The following SLC38A12 variants were observed in gnomAD, a reference collection of about 807,000 sequenced individuals.
SLC38A12 encodes the protein putative sodium-coupled neutral amino acid transporter 12.
the SLC38A12 span, among the ~76,000 whole-genome samples, chr17:74,783,244 C>T: frequency 6.6e-6 from 1 of 152,254 alleles, no homozygotes; most frequent in African/African-American, 2.4e-5. Flanking sequence ...TTCCCATCTC[C>T]AGCCTGTGTG....
the SLC38A12 span, chr17:74,777,430 A>G: frequency 6.2e-7 from 1 of 1,612,242 alleles, no homozygotes; most frequent in Non-Finnish European, 8.5e-7. Flanking sequence ...GCTTCTAGAA[A>G]AGCACATTGC....
chr17:74,785,552 C>G, the SLC38A12 span: 21 of 1,614,096 alleles, frequency 1.3e-5, no homozygotes, highest in Admixed American at 3.3e-4. Context: ...GCATTCGCCA[C>G]TGCCGGGTGG....
chr17:74,828,551 A>T, the SLC38A12 span, among the ~76,000 whole-genome samples: 3 of 152,052 alleles, frequency 2.0e-5, no homozygotes, highest in Non-Finnish European at 4.4e-5. Flanking sequence ...ACCGTTGGGC[A>T]GGGCCCTCTA....
At chr17:74,780,737 A>T in the SLC38A12 span, among the ~76,000 whole-genome samples, 1 of 152,214 alleles carries the variant, frequency 6.6e-6, no homozygotes, top group Non-Finnish European at 1.5e-5. Context: ...GAGAAGGCAG[A>T]GAAGTCCTAC....
chr17:74,797,442 C>G, the SLC38A12 span, among the ~76,000 whole-genome samples: 1 of 152,228 alleles, frequency 6.6e-6, no homozygotes, highest in Non-Finnish European at 1.5e-5. Context: ...GAGACCCTGG[C>G]TGCCCACGAG....
At chr17:74,837,260 C>G in the SLC38A12 span, 4 of 985,658 alleles carry the variant, frequency 4.1e-6, no homozygotes, top group Non-Finnish European at 4.8e-6. Context: ...GCCTGGCTGG[C>G]CCCATGACAA....
At chr17:74,805,722 T>C in the SLC38A12 span, among the ~76,000 whole-genome samples, 2 of 152,218 alleles carry the variant, frequency 1.3e-5, no homozygotes, top group Non-Finnish European at 2.9e-5. This position sits in a 1 kb window ranked among gnomAD's most constrained non-coding sequence, Gnocchi z 5.0. Flanking sequence ...ACCCGTGTTC[T>C]GGGCACCTGA....
the SLC38A12 span, chr17:74,788,907 GT>G: frequency 1.9e-6 from 3 of 1,586,752 alleles, no homozygotes; most frequent in Non-Finnish European, 1.7e-6. Context: ...CCATGCCTCT[GT>G]TCCGTCAGGT....
chr17:74,780,751 A>G, the SLC38A12 span, among the ~76,000 whole-genome samples: 1 of 152,116 alleles, frequency 6.6e-6, no homozygotes, highest in East Asian at 1.9e-4. Flanking sequence ...GTCCTACGTT[A>G]CCCTGCAGGA....
At chr17:74,797,507 G>C in the SLC38A12 span, among the ~76,000 whole-genome samples, 1 of 152,186 alleles carries the variant, frequency 6.6e-6, no homozygotes, top group Admixed American at 6.5e-5. Flanking sequence ...CCAGTCCCCT[G>C]CTGGGGGCTT....
the SLC38A12 span, among the ~76,000 whole-genome samples, chr17:74,784,291 G>T: frequency 6.6e-6 from 1 of 152,190 alleles, no homozygotes; most frequent in Non-Finnish European, 1.5e-5. Flanking sequence ...AGGAAGACCA[G>T]TTAGGAGTCT....
the SLC38A12 span, among the ~76,000 whole-genome samples, chr17:74,824,458 C>T: frequency 4.6e-5 from 7 of 152,228 alleles, no homozygotes; most frequent in Admixed American, 1.3e-4. Context: ...GCCCCTGCCC[C>T]GCCGCAGGGA....
the SLC38A12 span, among the ~76,000 whole-genome samples, chr17:74,803,341 C>T: frequency 6.6e-6 from 1 of 152,078 alleles, no homozygotes; most frequent in African/African-American, 2.4e-5. Flanking sequence ...CATAGGCAGC[C>T]CACCTGAAAG....
the SLC38A12 span, among the ~76,000 whole-genome samples, chr17:74,822,252 C>T: frequency 6.6e-6 from 1 of 152,320 alleles, no homozygotes; most frequent in Non-Finnish European, 1.5e-5. Flanking sequence ...GGGGACAGCC[C>T]GGGCCCCTTG....
chr17:74,781,794 C>T, the SLC38A12 span, among the ~76,000 whole-genome samples: 4 of 152,336 alleles, frequency 2.6e-5, no homozygotes, highest in African/African-American at 9.6e-5. Context: ...AAACATCCAA[C>T]CCCCTGTGCC....
At chr17:74,797,044 G>C in the SLC38A12 span, among the ~76,000 whole-genome samples, 1 of 152,342 alleles carries the variant, frequency 6.6e-6, no homozygotes, top group South Asian at 2.1e-4. Flanking sequence ...AGCAGCCACA[G>C]CAGAGCCAGT....
the SLC38A12 span, among the ~76,000 whole-genome samples, chr17:74,828,343 A>G: frequency 6.6e-6 from 1 of 152,180 alleles, no homozygotes; most frequent in East Asian, 1.9e-4. Flanking sequence ...CCATGCCTGG[A>G]GGAAGACCCT....
chr17:74,811,732 A>G, the SLC38A12 span, among the ~76,000 whole-genome samples: 1 of 151,556 alleles, frequency 6.6e-6, no homozygotes, highest in Non-Finnish European at 1.5e-5. Context: ...AAAAGAAAAA[A>G]GAAAAGAATA....
At chr17:74,811,875 A>T in the SLC38A12 span, among the ~76,000 whole-genome samples, 585 of 151,978 alleles carry the variant, frequency 3.8e-3, 4 homozygotes, top group African/African-American at 0.011. Context: ...TCTGCAAAAA[A>T]AATAATAATA....
Sources: gnomAD v4.1 joint callset for allele counts (sites outside exome capture counted in the v4.1 genomes callset) on GRCh38, gnomAD v4.1.1 for gene constraint, Gnocchi (gnomAD v3.1) non-coding constraint, MANE v1.5 for transcripts, NCBI Gene and HGNC (gene_info 2026-07-23, HGNC 2026-07-21) for gene names.